NCAPG: variants seen among roughly 807,000 people sequenced by gnomAD.
The protein encoded by NCAPG is condensin complex subunit 3.
Under a neutral mutation model 113.1 loss-of-function variants are expected in NCAPG, and 69 were observed. That is an observed-to-expected ratio of 0.61 (90% confidence interval 0.50 to 0.75). The LOEUF is 0.75. Ranked by LOEUF, NCAPG falls within the 30% of genes least tolerant of loss-of-function variation. The probability of loss-of-function intolerance (pLI) is 0.00; values close to 1 mark genes in which losing one functional copy is unlikely to be tolerated. For missense variants in NCAPG, 1,058 were observed against 1,177.0 expected (o/e 0.90, Z 1.48); for synonymous variants, 370 against 415.8 (o/e 0.89, Z 1.34).
intron 19 of NCAPG, chr4:17,841,904 A>G (rs1722447808): frequency 6.4e-6 from 1 of 156,170 alleles, no homozygotes; most frequent in Non-Finnish European, 1.4e-5. Context: ...TTGTTTCTTT[A>G]GCACCTGTTT....
intron 19 of NCAPG, 75 bp from the exon 20 acceptor site, chr4:17,842,235 G>C (rs1383498026): frequency 5.5e-6 from 7 of 1,267,596 alleles, no homozygotes; most frequent in Non-Finnish European, 8.0e-6. Flanking sequence ...AAAGGATTTA[G>C]TTAGCCTAGA....
intron 5 of NCAPG, among the ~76,000 whole-genome samples, chr4:17,815,883 G>A (rs994816874): frequency 1.3e-5 from 2 of 152,002 alleles, no homozygotes; most frequent in Non-Finnish European, 2.9e-5. Context: ...GTATTTTACA[G>A]ATGGAGAAAC....
chr4:17,823,421 A>G (rs1243643646), intron 8 of NCAPG, among the ~76,000 whole-genome samples: 1 of 152,034 alleles, frequency 6.6e-6, no homozygotes, highest in Non-Finnish European at 1.5e-5. Flanking sequence ...TCATTTTATC[A>G]TGTTGATTTA....
intron 7 of NCAPG, 66 bp downstream of exon 7, chr4:17,818,154 C>G: frequency 6.7e-7 from 1 of 1,483,282 alleles, no homozygotes; most frequent in Non-Finnish European, 9.0e-7. Context: ...TCCCAGTCCC[C>G]TTCCTCAAAG....
intron 14 of NCAPG, among the ~76,000 whole-genome samples, chr4:17,836,818 A>G (rs1722115511): frequency 5.9e-5 from 9 of 152,176 alleles, no homozygotes; most frequent in Admixed American, 5.9e-4. Flanking sequence ...ACCAGGGGCC[A>G]GGGTTTTCTA....
chr4:17,819,783 T>C lies in NCAPG; in HGVS notation c.1118+1695T>C, dbSNP rs983926350. ...TATGAAGTACAGTTCTCTGCTTTTG[T>C]TTAAAATGATCTCACATAAAAGTTA... On this transcript the variant is annotated intron_variant, in intron 7 of 20. Coordinates refer to ENST00000251496, the MANE Select transcript of NCAPG (RefSeq NM_022346.5). 3.9e-5 allele frequency among the ~76,000 whole-genome samples: 6 copies of C among 152,232 alleles called. 1 individual carries two copies. Among genetic ancestry groups the C allele is most frequent in the South Asian group, 4.1e-4 (2 of 4,836 alleles).
At chr4:17,834,271 T>C (rs775503573) in intron 13 of NCAPG, 28 bp from the exon 14 acceptor site, 1 of 1,438,204 alleles carries the variant, frequency 7.0e-7, no homozygotes. Flanking sequence ...TGAATTTACT[T>C]TTTTTGGTGG....
chr4:17,833,092 T>A (rs1721927868), intron 13 of NCAPG, among the ~76,000 whole-genome samples: 1 of 152,070 alleles, frequency 6.6e-6, no homozygotes, highest in African/African-American at 2.4e-5. Context: ...CATTAAAGAA[T>A]ATAGTAAATT....
At position 17,828,198 on chromosome 4, in the gene NCAPG, A is replaced by G; in HGVS notation, c.1654-80A>G. On this transcript the variant is annotated intron_variant, in intron 11 of 20. Coordinates refer to ENST00000251496, the MANE Select transcript of NCAPG (RefSeq NM_022346.5). The stretch of plus-strand genomic sequence containing the variant: ...TCTATATAGAGTGACAGTATGCCCT[A>G]CACAAAGCCCTGAGAAAGCAAACAT... 7.6e-6 allele frequency: 7 copies of G among 918,660 alleles called. No homozygotes were observed. The South Asian group carries it at 1.1e-4, about 15-fold the overall frequency. The allele number at this position is 918,660 out of a possible 1,614,324, so 56.9% of individuals were successfully genotyped here.
intron 20 of NCAPG, chr4:17,842,593 C>A (rs1722520798): frequency 2.0e-6 from 1 of 498,254 alleles, no homozygotes; most frequent in Admixed American, 3.4e-5. Flanking sequence ...CTGGCATGGT[C>A]TTTAGTACTA....
At chr4:17,843,080 T>C (rs1560237458) in intron 20 of NCAPG, 9 of 386,042 alleles carry the variant, frequency 2.3e-5, no homozygotes, top group South Asian at 7.4e-5. Context: ...GGTTCTGTTA[T>C]AGTATATAAA....
chr4:17,825,274 T>C (rs1042628417), intron 10 of NCAPG, 108 bp from the exon 11 acceptor site: 30 of 1,013,284 alleles, frequency 3.0e-5, no homozygotes, highest in Middle Eastern at 3.2e-4. Context: ...TATGCCTGAC[T>C]CATTAAATTC....
intron 13 of NCAPG, among the ~76,000 whole-genome samples, chr4:17,832,161 C>T (rs1721890596): frequency 6.6e-6 from 1 of 152,126 alleles, no homozygotes; most frequent in African/African-American, 2.4e-5. Flanking sequence ...GCAAAACTTC[C>T]TAACTTGCAG....
At chr4:17,838,274 G>C (rs1049090357) in intron 16 of NCAPG, among the ~76,000 whole-genome samples, 2 of 152,078 alleles carry the variant, frequency 1.3e-5, no homozygotes, top group Admixed American at 1.3e-4. Context: ...AATGGCATTT[G>C]GTCAAACTTG....
chr4:17,823,618 A>C lies in NCAPG; in HGVS notation c.1260-29A>C, dbSNP rs767132578. The C allele has an allele frequency of 2.1e-5, 33 of 1,582,304 alleles. No homozygotes were observed. The Admixed American group carries it at 5.0e-4, about 24-fold the overall frequency. On this transcript the variant is annotated intron_variant, in intron 8 of 20. Transcript: ENST00000251496. Reference sequence around the variant, plus strand: ...AGATAAAACATGTTTTGTCATAATAATATTTAAATTAGTTCTTTTTGACTG... The same window carrying C: ...AGATAAAACATGTTTTGTCATAATACTATTTAAATTAGTTCTTTTTGACTG...
rs555941793 is a variant in NCAPG at position 17,825,441 on chromosome 4, C to T, written c.1533C>T (p.Thr511=). ...AAGAAGCTTTGGAAAATTGCATTAC[C>T]TTACAGGATTTTAATCGGGCATCAG... The part of the protein sequence containing the change: ...EAKEALENCI[T]LQDFNRASEL... Residue 511 remains threonine (T), a synonymous_variant, in exon 11 of 21, where the codon ACC becomes ACT. Transcript: ENST00000251496. The T allele has an allele frequency of 1.2e-6, 2 of 1,607,604 alleles. No homozygotes were observed. Among genetic ancestry groups the T allele is most frequent in the South Asian group, 1.1e-5 (1 of 90,330 alleles).
chr4:17,814,757 T>G lies in NCAPG; in HGVS notation c.545-96T>G, dbSNP rs1031043516. 6.7e-6 allele frequency: 9 copies of G among 1,350,484 alleles called. No individual in the cohort carries two copies. The African/African-American group carries it at 1.2e-4, about 17-fold the overall frequency. 83.7% of individuals were successfully genotyped at this position (1,350,484 alleles called of 1,614,324 possible). ...TCATGCCCAGCCTATCTTTATCACA[T>G]TAAAGGCATTTTAAAATATCAAAAT... is the stretch of plus-strand genomic sequence containing the variant. On this transcript the variant is annotated intron_variant, in intron 3 of 20. Coordinates refer to ENST00000251496, the MANE Select transcript of NCAPG (RefSeq NM_022346.5).
In NCAPG at chr4:17,839,666, A is replaced by C. The variant is rs766930522; in HGVS notation, c.2467-10A>C. On this transcript the variant is annotated splice_polypyrimidine_tract_variant and intron_variant, in intron 16 of 20. Transcript: ENST00000251496. ...TTCAATTTACAGAGAATTTTCTCTTAATTTTTTAGGCCTTAACAGTACATG... is the reference window on the plus strand; with the variant it reads ...TTCAATTTACAGAGAATTTTCTCTTCATTTTTTAGGCCTTAACAGTACATG... 1.4e-6 allele frequency: 2 copies of C among 1,479,378 alleles called. No individual in the cohort carries two copies. The highest frequency in any genetic ancestry group is 1.8e-6 in the Non-Finnish European group (2 of 1,117,032). The allele number at this position is 1,479,378 out of a possible 1,614,324, so 91.6% of individuals were successfully genotyped here.
chr4:17,839,840 A>G lies in NCAPG; in HGVS notation c.2628+3A>G, dbSNP rs771833540. The G allele has an allele frequency of 1.3e-6, 2 of 1,577,928 alleles. No individual in the cohort carries two copies. The highest frequency in any genetic ancestry group is 2.4e-5 in the South Asian group (2 of 83,474). On this transcript the variant is annotated splice_donor_region_variant and intron_variant, in intron 17 of 20. Transcript: ENST00000251496. ...TTCTATTGAATGAGATTCTGGAGGT[A>G]AAGTAGTTTCTCATTACTCTAAATT...
Sources: gnomAD v4.1 joint callset for allele counts (sites outside exome capture counted in the v4.1 genomes callset) on GRCh38, gnomAD v4.1.1 for gene constraint, MANE v1.5 for transcripts, NCBI Gene and HGNC (gene_info 2026-07-23, HGNC 2026-07-21) for gene names.